The following GJB6 variants were observed in gnomAD, a reference collection of about 807,000 sequenced individuals.
GJB6 encodes gap junction beta-6 protein.
In GJB6, 5 loss-of-function variants were observed where a neutral mutation model predicts 5.4. That is an observed-to-expected ratio of 0.92 (90% CI 0.48 to 1.93). GJB6 has a LOEUF of 1.93. Ranked by LOEUF, GJB6 falls within the 30% of genes most tolerant of loss-of-function variation. GJB6 has a pLI of 0.01. For synonymous variants in GJB6, 136 were observed against 129.6 expected (o/e 1.05, Z -0.34); for missense variants, 298 against 326.9 (o/e 0.91, Z 0.68).
chr13:20,227,179 T>G (rs1030222649), intron 4 of GJB6, among the ~76,000 whole-genome samples: 1 of 152,282 alleles, frequency 6.6e-6, no homozygotes, highest in South Asian at 2.1e-4. Context: ...CAGTAGCTTT[T>G]TAAATTTCTT....
At chr13:20,223,872 G>A (rs1000134479) in intron 4 of GJB6, among the ~76,000 whole-genome samples, 3 of 152,108 alleles carry the variant, frequency 2.0e-5, no homozygotes, top group Admixed American at 6.5e-5. Flanking sequence ...GGGAGGCTGA[G>A]GCAGGAGAAT....
chr13:20,228,700 G>A (rs1460354207), intron 4 of GJB6, among the ~76,000 whole-genome samples: 6 of 144,478 alleles, frequency 4.2e-5, no homozygotes, highest in African/African-American at 7.5e-5. Context: ...TAGCCAGGAT[G>A]GTCTCGATCT....
rs543246926 is a variant in GJB6, at chr13:20,228,247, C to G, written c.-16+1333G>C. ...GCCAATGGGAGGAGCTTTTTCAATA[C>G]AAAGTGAAATATTAACTCTTTCTTC... On this transcript the variant is annotated intron_variant, in intron 4 of 4. Coordinates refer to ENST00000647029, the MANE Select transcript of GJB6 (RefSeq NM_001110219.3). Among the ~76,000 whole-genome samples the G allele has an allele frequency of 3.9e-5, 6 of 152,310 alleles. No individual in the cohort carries two copies. The East Asian group carries it at 1.2e-3, about 29-fold the overall frequency.
intron 4 of GJB6, among the ~76,000 whole-genome samples, chr13:20,229,268 C>T (rs1398357151): frequency 6.7e-6 from 1 of 148,748 alleles, no homozygotes; most frequent in Non-Finnish European, 1.5e-5. Context: ...TGTGCTTCAG[C>T]CTCCTGAATA....
chr13:20,230,345 T>G (rs539343888), intron 3 of GJB6, among the ~76,000 whole-genome samples: 1 of 152,368 alleles, frequency 6.6e-6, no homozygotes, highest in East Asian at 1.9e-4. Flanking sequence ...CGTATGTTTC[T>G]TACATCATTT....
chr13:20,231,952 G>C (rs1325490858), intron 1 of GJB6: 5 of 152,520 alleles, frequency 3.3e-5, no homozygotes, highest in Non-Finnish European at 5.9e-5. Context: ...GGGGCGCGTG[G>C]ACAGGAGGGT....
rs749296000 is a variant in GJB6, at chr13:20,223,054, G to C, written c.427C>G (p.Arg143Gly). ...ATAAAGGCTGCTTCAAAGATGATTC[G>C]GAAAAAGATGCTGCTGGTGTACGTC... Reference protein sequence around the residue: ...WWTYTSSIFFRIIFEAAFMYV... With the variant: ...WWTYTSSIFFGIIFEAAFMYV... The change falls in exon 5 of 5, where the codon CGA becomes GGA. Residue 143 changes from arginine to glycine, a missense_variant. Coordinates refer to ENST00000647029, the MANE Select transcript of GJB6 (RefSeq NM_001110219.3). 6 of 1,613,334 alleles carry C rather than the reference G, an allele frequency of 3.7e-6. No homozygotes were observed. Among genetic ancestry groups the C allele is most frequent in the Non-Finnish European group, 5.1e-6 (6 of 1,179,266 alleles).
At chr13:20,228,486 G>C (rs7336897) in intron 4 of GJB6, among the ~76,000 whole-genome samples, 2 of 120,690 alleles carry the variant, frequency 1.7e-5, no homozygotes, top group East Asian at 5.5e-4. Context: ...TTTTGTTTTT[G>C]TTTTTTGTTT....
rs373176993 is a variant in GJB6 at position 20,228,727 on chromosome 13, G to A, written c.-16+853C>T. Among the ~76,000 whole-genome samples the A allele has an allele frequency of 4.5e-3, 688 of 151,214 alleles. 6 individuals carry two copies. Among genetic ancestry groups the A allele is most frequent in the African/African-American group, 0.012 (498 of 41,148 alleles). ...TCTCGATCTCCTGACCTCATGATCCGCCCCCCTTGGCCTCCCAAAGTGCTG... is the reference window on the plus strand; with the variant it reads ...TCTCGATCTCCTGACCTCATGATCCACCCCCCTTGGCCTCCCAAAGTGCTG... On this transcript the variant is annotated intron_variant, in intron 4 of 4. Coordinates refer to ENST00000647029, the MANE Select transcript of GJB6 (RefSeq NM_001110219.3).
rs1008818567 is a variant in GJB6 at position 20,222,684 on chromosome 13, C to T, written c.*11G>A. On this transcript the variant is annotated 3_prime_UTR_variant, in exon 5 of 5. Coordinates refer to ENST00000647029, the MANE Select transcript of GJB6 (RefSeq NM_001110219.3). ...CTCCTTATGACGCAGCTACATTTTA[C>T]CTTGAAATGTTTAGCTTGGGAAACC... 1.9e-6 allele frequency: 3 copies of T among 1,612,134 alleles called. No individual in the cohort carries two copies. Among genetic ancestry groups the T allele is most frequent in the Non-Finnish European group, 8.5e-7 (1 of 1,178,138 alleles).
chr13:20,223,917 C>A (rs1275980032), intron 4 of GJB6, among the ~76,000 whole-genome samples: 2 of 151,626 alleles, frequency 1.3e-5, no homozygotes, highest in Non-Finnish European at 2.9e-5. Context: ...TGCAGTGAGC[C>A]GAGATTGCAC....
chr13:20,229,864 C>G (rs758874164), intron 3 of GJB6, 115 bp from the exon 4 acceptor site: 10 of 133,762 alleles, frequency 7.5e-5, no homozygotes, highest in Non-Finnish European at 1.5e-4. Context: ...ATTCCCAGAA[C>G]TGTTATGAGG....
At chr13:20,226,628 A>G (rs931612565) in intron 4 of GJB6, among the ~76,000 whole-genome samples, 1 of 152,244 alleles carries the variant, frequency 6.6e-6, no homozygotes, top group Non-Finnish European at 1.5e-5. Context: ...TCTATCTCAA[A>G]AGCATTTCAA....
At position 20,230,741 on chromosome 13, in the gene GJB6, C is replaced by G. The variant is rs936428963; in HGVS notation, c.-229G>C. ...ATTAAAGATGCATGAAGAGGGCGTA[C>G]AAGTTAGAATTTTTCTTTCGCCATA... On this transcript the variant is annotated 5_prime_UTR_variant, in exon 3 of 5. Coordinates refer to ENST00000647029, the MANE Select transcript of GJB6 (RefSeq NM_001110219.3). 6.6e-6 allele frequency: 1 copy of G among 152,202 alleles called. No individual in the cohort carries two copies. Among genetic ancestry groups the G allele is most frequent in the African/African-American group, 2.4e-5 (1 of 41,446 alleles). The allele number at this position is 152,202 out of a possible 1,614,324, so 9.4% of individuals were successfully genotyped here.
intron 4 of GJB6, among the ~76,000 whole-genome samples, chr13:20,228,565 G>C (rs1317797634): frequency 5.3e-5 from 8 of 151,118 alleles, no homozygotes; most frequent in African/African-American, 1.9e-4. Context: ...CTCACTGCAA[G>C]CTCCGCCTCC....
At chr13:20,228,728 C>G (rs1256675202) in intron 4 of GJB6, among the ~76,000 whole-genome samples, 2 of 151,464 alleles carry the variant, frequency 1.3e-5, no homozygotes, top group African/African-American at 2.4e-5. Flanking sequence ...TCATGATCCG[C>G]CCCCCTTGGC....
Position 20,223,301 on chromosome 13 carries a change from G to A in GJB6, c.180C>T (p.Cys60=). Residue 60 remains cysteine, a synonymous_variant, in exon 5 of 5, where the codon TGC becomes TGT. Coordinates refer to ENST00000647029, the MANE Select transcript of GJB6 (RefSeq NM_001110219.3). ...DFVCNTLQPG[C]KNVCYDHFFP... ...AAAAGTGGTCATAGCACACATTTTT[G>A]CATCCCGGTTGCAGTGTGTTGCAGA... The A allele has an allele frequency of 1.9e-6, 3 of 1,613,982 alleles. No individual in the cohort carries two copies. The East Asian group carries it at 6.7e-5, about 36-fold the overall frequency.
chr13:20,226,520 G>T (rs372652590), intron 4 of GJB6, among the ~76,000 whole-genome samples: 63 of 152,226 alleles, frequency 4.1e-4, no homozygotes, highest in African/African-American at 1.3e-3. Flanking sequence ...CACAGTAAAT[G>T]CAGCTCCATT....
chr13:20,228,142 A>G (rs1044136089), intron 4 of GJB6, among the ~76,000 whole-genome samples: 1 of 152,246 alleles, frequency 6.6e-6, no homozygotes. Context: ...TTACTTTCCA[A>G]AATCATCGCA....
Sources: allele counts gnomAD v4.1 joint callset (sites outside exome capture counted in the v4.1 genomes callset), GRCh38; gene constraint gnomAD v4.1.1; transcripts MANE v1.5; gene names NCBI Gene and HGNC (gene_info 2026-07-23, HGNC 2026-07-21).